The following NELL1 variants were observed in gnomAD, a reference collection of about 807,000 sequenced individuals.
NELL1 encodes the protein neural EGFL like 1, also known as protein kinase C-binding protein NELL1.
A neutral mutation model predicts 107.4 loss-of-function variants in NELL1; 76 were observed. The ratio of observed to expected loss-of-function variants is 0.71; its 90% CI spans 0.59 to 0.86. The LOEUF (loss-of-function observed/expected upper bound fraction) is 0.86. Among genes scored for constraint, NELL1 ranks in the 40% least tolerant of loss-of-function variants. The pLI is 0.00. For missense variants in NELL1, 1,024 were observed against 1,005.5 expected (o/e 1.02, Z -0.25); for synonymous variants, 353 against 341.2 (o/e 1.03, Z -0.38).
chr11:21,311,732 G>T (rs1366297465), intron 14 of NELL1, among the ~76,000 whole-genome samples: 1 of 152,058 alleles, frequency 6.6e-6, no homozygotes, highest in Non-Finnish European at 1.5e-5. Context: ...CATTTATTGA[G>T]CACCTACTAT....
At chr11:20,723,675 A>C (rs1366267162) in intron 2 of NELL1, among the ~76,000 whole-genome samples, 2 of 152,062 alleles carry the variant, frequency 1.3e-5, no homozygotes, top group African/African-American at 2.4e-5. Context: ...TCTGGCATCT[A>C]GAGAATGGTG....
At chr11:20,760,112 C>T (rs567980669) in intron 2 of NELL1, among the ~76,000 whole-genome samples, 75 of 152,176 alleles carry the variant, frequency 4.9e-4, no homozygotes, top group Non-Finnish European at 8.4e-4. Context: ...GAACATATAG[C>T]GGCTATATGG....
intron 14 of NELL1, among the ~76,000 whole-genome samples, chr11:21,313,001 G>T (rs574016378): frequency 2.0e-5 from 3 of 152,002 alleles, no homozygotes; most frequent in African/African-American, 7.2e-5. Context: ...CCTTGAACCT[G>T]AGAGGAAGAG....
chr11:20,958,702 A>G (rs2134212279), intron 11 of NELL1, among the ~76,000 whole-genome samples: 1 of 152,356 alleles, frequency 6.6e-6, no homozygotes, highest in South Asian at 2.1e-4. Context: ...TCTAAAGGCT[A>G]TATTAGGAAG....
At chr11:21,056,193 T>C (rs1156677006) in intron 12 of NELL1, among the ~76,000 whole-genome samples, 1 of 152,208 alleles carries the variant, frequency 6.6e-6, no homozygotes, top group African/African-American at 2.4e-5. Context: ...AGCAGTTCAA[T>C]AGCCCTGGCT....
chr11:21,065,632 C>G (rs981539013), intron 12 of NELL1, among the ~76,000 whole-genome samples: 3 of 152,204 alleles, frequency 2.0e-5, no homozygotes, highest in African/African-American at 7.2e-5. Context: ...AGCTATATTA[C>G]ACAGGGCTAG....
chr11:21,148,632 A>G (rs183766392), intron 13 of NELL1, among the ~76,000 whole-genome samples: 19 of 152,296 alleles, frequency 1.2e-4, no homozygotes, highest in Admixed American at 9.8e-4. Context: ...CTTTTCACCC[A>G]CTGAAAGTTA....
rs1467163695 is a variant in NELL1 at position 21,186,062 on chromosome 11, A to G, written c.1427-43270A>G. 2.0e-5 allele frequency among the ~76,000 whole-genome samples: 3 copies of G among 151,944 alleles called. No homozygotes were observed. In the East Asian group the frequency reaches 5.8e-4, roughly 29 times the overall value. On this transcript the variant is annotated intron_variant, in intron 13 of 19. Transcript: ENST00000357134. ...AATGGTTAGCTGGATACATCTAACC[A>G]CCATATCCTCTGGCTTCTTATTTCT...
chr11:20,768,414 G>C (rs926537679), intron 2 of NELL1, among the ~76,000 whole-genome samples: 1 of 152,230 alleles, frequency 6.6e-6, no homozygotes, highest in Non-Finnish European at 1.5e-5. Flanking sequence ...AGCATAGCCA[G>C]GGCCTTTCAG....
At chr11:20,812,700 A>C (rs577502034) in intron 3 of NELL1, among the ~76,000 whole-genome samples, 1 of 152,258 alleles carries the variant, frequency 6.6e-6, no homozygotes, top group Admixed American at 6.5e-5. Context: ...GTACTCTTCA[A>C]ATTGTACCTA....
rs552972643 is a variant in NELL1 at position 21,269,278 on chromosome 11, T to A, written c.1549+39824T>A. Among the ~76,000 whole-genome samples the A allele has an allele frequency of 7.2e-5, 11 of 152,094 alleles. 1 individual carries two copies. In the South Asian group the frequency reaches 1.7e-3, roughly 23 times the overall value. On this transcript the variant is annotated intron_variant, in intron 14 of 19. Coordinates refer to ENST00000357134, the MANE Select transcript of NELL1 (RefSeq NM_006157.5). ...ATGACTGAGAATTTTCTAACATTAA[T>A]GTCAGACAACAAACCATGTATTCAG...
At chr11:21,026,253 T>G (rs1852811466) in intron 12 of NELL1, among the ~76,000 whole-genome samples, 1 of 152,158 alleles carries the variant, frequency 6.6e-6, no homozygotes, top group Non-Finnish European at 1.5e-5. Flanking sequence ...CCCTACCTAG[T>G]GAGCGATGCC....
chr11:21,097,043 G>C (rs959228383), intron 12 of NELL1, among the ~76,000 whole-genome samples: 3 of 152,010 alleles, frequency 2.0e-5, no homozygotes, highest in Admixed American at 2.0e-4. Flanking sequence ...CCTTGCCATT[G>C]CTTAACTACT....
chr11:21,572,821 A>C (rs139863203), intron 18 of NELL1, among the ~76,000 whole-genome samples: 1 of 151,984 alleles, frequency 6.6e-6, no homozygotes, highest in East Asian at 2.0e-4. Flanking sequence ...TATTGACCAA[A>C]ACTGTGCTAA....
intron 5 of NELL1, among the ~76,000 whole-genome samples, chr11:20,890,855 C>G (rs1849603272): frequency 6.6e-6 from 1 of 152,012 alleles, no homozygotes; most frequent in African/African-American, 2.4e-5. Flanking sequence ...AAATATGGGA[C>G]TTCATAAAAA....
intron 12 of NELL1, among the ~76,000 whole-genome samples, chr11:21,082,325 T>G (rs1336951910): frequency 6.6e-6 from 1 of 152,192 alleles, no homozygotes; most frequent in Non-Finnish European, 1.5e-5. Flanking sequence ...CAGATTAATT[T>G]AGAAAAGCAC....
At chr11:21,557,168 T>C (rs1309696929) in intron 16 of NELL1, among the ~76,000 whole-genome samples, 1 of 152,016 alleles carries the variant, frequency 6.6e-6, no homozygotes, top group African/African-American at 2.4e-5. Context: ...ATAAATCTGC[T>C]AAATTGCATG....
intron 12 of NELL1, among the ~76,000 whole-genome samples, chr11:21,025,815 A>C (rs574294583): frequency 2.6e-4 from 40 of 152,238 alleles, no homozygotes; most frequent in African/African-American, 9.6e-4. Context: ...ATGTCCCAAA[A>C]TGAGCTCCAG....
intron 12 of NELL1, among the ~76,000 whole-genome samples, chr11:21,074,502 C>A (rs756043050): frequency 5.3e-5 from 8 of 152,072 alleles, no homozygotes; most frequent in Non-Finnish European, 1.2e-4. Context: ...CAAAGAGTTT[C>A]ACAGGCAATT....
Sources: allele counts gnomAD v4.1 joint callset (sites outside exome capture counted in the v4.1 genomes callset), GRCh38; gene constraint gnomAD v4.1.1; transcripts MANE v1.5; gene names NCBI Gene and HGNC (gene_info 2026-07-23, HGNC 2026-07-21).